NLRP5: variants seen among roughly 807,000 people sequenced by gnomAD.
NLRP5 encodes NACHT, LRR and PYD domains-containing protein 5.
NLRP5 carries 93 observed loss-of-function variants against 113.1 expected under a neutral mutation model. The ratio of observed to expected loss-of-function variants is 0.82; its 90% CI spans 0.70 to 0.98. The LOEUF (loss-of-function observed/expected upper bound fraction) is 0.98. Among genes scored for constraint, NLRP5 ranks in the 50% least tolerant of loss-of-function variants. The pLI is 0.00. For synonymous variants in NLRP5, 751 were observed against 600.7 expected, an observed-to-expected ratio of 1.25 and a Z score of -3.66; for missense variants, 1,808 against 1,514.3, an observed-to-expected ratio of 1.19 and a Z score of -3.22.
Position 56,058,859 on chromosome 19 carries a change from G to A in NLRP5, c.3470+449G>A, listed in dbSNP as rs1370042778. ...GATGAAAGGATAAGCAGAATGTGGT[G>A]TATACCAACAATGGAATTGTATTCA... is the stretch of plus-strand genomic sequence containing the variant. On this transcript the variant is annotated intron_variant, in intron 14 of 14. Coordinates refer to ENST00000390649, the MANE Select transcript of NLRP5 (RefSeq NM_153447.4). Among the ~76,000 whole-genome samples, 3 of 152,184 alleles carry A rather than the reference G, an allele frequency of 2.0e-5. No individual in the cohort carries two copies. In the East Asian group the frequency reaches 5.8e-4, roughly 29 times the overall value.
upstream of NLRP5, chr19:55,999,683 G>T (rs1265905758): frequency 6.9e-7 from 1 of 1,457,106 alleles, no homozygotes; most frequent in Non-Finnish European, 9.6e-7. Context: ...CCAGAGGAGA[G>T]CCCAGCCTTC....
intron 6 of NLRP5, among the ~76,000 whole-genome samples, chr19:56,022,144 C>G (rs934319802): frequency 2.0e-5 from 3 of 152,186 alleles, no homozygotes; most frequent in African/African-American, 7.2e-5. Flanking sequence ...AATAATTACT[C>G]TGGTCTAGGC....
At chr19:56,022,315 G>A (rs1266976647) in intron 6 of NLRP5, among the ~76,000 whole-genome samples, 1 of 152,120 alleles carries the variant, frequency 6.6e-6, no homozygotes, top group Non-Finnish European at 1.5e-5. Flanking sequence ...TAACTCCTGG[G>A]CTGAAGCAAT....
At chr19:56,014,173 T>C (rs1982317139) in intron 3 of NLRP5, among the ~76,000 whole-genome samples, 1 of 152,100 alleles carries the variant, frequency 6.6e-6, no homozygotes, top group South Asian at 2.1e-4. Context: ...CTTTTGGTGT[T>C]ATATCTTTAA....
At chr19:55,998,686 A>ATG (rs1374764391), upstream of NLRP5, among the ~76,000 whole-genome samples, 22 of 47,552 alleles carry the variant, frequency 4.6e-4, 1 homozygote, top group African/African-American at 1.6e-3. Context: ...ATATATATAT[A>ATG]TATATATATA....
At chr19:55,988,184 G>T in the NLRP5 span, 1 of 230,586 alleles carries the variant, frequency 4.3e-6, no homozygotes, top group Non-Finnish European at 8.5e-6. Context: ...CTGAGGTCAG[G>T]AGTTCCAGAC....
the NLRP5 span, among the ~76,000 whole-genome samples, chr19:55,992,725 G>T: frequency 6.6e-6 from 1 of 152,134 alleles, no homozygotes; most frequent in African/African-American, 2.4e-5. Context: ...AGAGCAAATG[G>T]CCCCAAAGCC....
intron 4 of NLRP5, among the ~76,000 whole-genome samples, chr19:56,017,063 T>C (rs1201168620): frequency 6.6e-6 from 1 of 152,200 alleles, no homozygotes; most frequent in East Asian, 1.9e-4. Context: ...CGCCTCGGCC[T>C]CCCAAAGTGC....
rs1362573692 is a variant in NLRP5 at position 56,026,949 on chromosome 19, T to G, written c.716T>G (p.Val239Gly). 6.4e-7 allele frequency: 1 copy of G among 1,551,612 alleles called. No individual in the cohort carries two copies. Reference sequence around the variant, plus strand: ...GACACATGGGACTACAAGAGTCACGTGATGACCAAATTCGCTGAGGAGGAG... The same window carrying G: ...GACACATGGGACTACAAGAGTCACGGGATGACCAAATTCGCTGAGGAGGAG... Residue 239 changes from valine (V) to glycine (G), a missense_variant, in exon 7 of 15, where the codon GTG becomes GGG. Transcript: ENST00000390649.
At chr19:56,001,925 A>T (rs1200953064) in intron 1 of NLRP5, among the ~76,000 whole-genome samples, 1 of 152,162 alleles carries the variant, frequency 6.6e-6, no homozygotes, top group Non-Finnish European at 1.5e-5. Context: ...ATTTGCTCAA[A>T]CTGGCCAACC....
At chr19:56,026,575 C>A (rs1243380107) in intron 6 of NLRP5, among the ~76,000 whole-genome samples, 2 of 146,866 alleles carry the variant, frequency 1.4e-5, no homozygotes, top group African/African-American at 5.0e-5. Context: ...TTTTGTTTCC[C>A]GATTTATTTT....
intron 11 of NLRP5, among the ~76,000 whole-genome samples, chr19:56,043,862 C>A (rs1198574691): frequency 6.6e-6 from 1 of 151,602 alleles, no homozygotes; most frequent in Non-Finnish European, 1.5e-5. Context: ...CAGGCGTGAG[C>A]CACCACGCCT....
At chr19:56,005,890 A>G (rs1283444970) in intron 2 of NLRP5, among the ~76,000 whole-genome samples, 1 of 152,186 alleles carries the variant, frequency 6.6e-6, no homozygotes, top group Non-Finnish European at 1.5e-5. Flanking sequence ...TGGGTTCCCT[A>G]TGGCTGAAGC....
chr19:56,002,069 A>G (rs1810903982), intron 1 of NLRP5, among the ~76,000 whole-genome samples: 1 of 152,222 alleles, frequency 6.6e-6, no homozygotes, highest in African/African-American at 2.4e-5. Context: ...GCTTCTAGAC[A>G]ACTCGGGGAG....
chr19:55,997,861 T>TCA (rs1981378577), upstream of NLRP5, among the ~76,000 whole-genome samples: 1 of 82,840 alleles, frequency 1.2e-5, no homozygotes, highest in African/African-American at 1.0e-4. Context: ...ACACTCTATC[T>TCA]CAAAAAAAAA....
At chr19:56,005,476 T>TACACAC (rs370942099) in intron 2 of NLRP5, among the ~76,000 whole-genome samples, 4,528 of 146,126 alleles carry the variant, frequency 0.031, 200 homozygotes, top group South Asian at 0.051. Flanking sequence ...CACATATTTA[T>TACACAC]ACACACACAC....
chr19:56,007,900 CGT>C lies in NLRP5; in HGVS notation c.443-886_443-885del, dbSNP rs1417229600. Among the ~76,000 whole-genome samples the C allele has an allele frequency of 4.5e-4, 36 of 79,462 alleles. 2 individuals carry two copies. Among genetic ancestry groups the C allele is most frequent in the Middle Eastern group, 4.8e-3 (1 of 208 alleles). The allele number at this position is 79,462 out of a possible 152,430, so 52.1% of individuals were successfully genotyped here. A position where few individuals can be genotyped will look rare whatever the true frequency, so the allele number is the denominator to read the frequency against. On this transcript the variant is annotated intron_variant, in intron 2 of 14. Coordinates refer to ENST00000390649, the MANE Select transcript of NLRP5 (RefSeq NM_153447.4). The stretch of plus-strand genomic sequence containing the variant: ...GTGTGTGTGTGTGTGCGCGTGCGCG[CGT>C]GCGTGTGTGTGTGTGTGTGTGTGTG...
intron 13 of NLRP5, among the ~76,000 whole-genome samples, chr19:56,055,235 G>A (rs1033499906): frequency 3.3e-5 from 5 of 151,566 alleles, no homozygotes; most frequent in South Asian, 4.2e-4. Flanking sequence ...CAAGTGATCC[G>A]CCGGCCTCAG....
chr19:55,998,714 G>GTGTGTGTATATATATATATATGTGTA (rs796632835), upstream of NLRP5, among the ~76,000 whole-genome samples: 2 of 76,022 alleles, frequency 2.6e-5, no homozygotes, highest in Non-Finnish European at 5.0e-5. Context: ...GTGTGTGTGT[G>GTGTGTGTATATATATATATATGTGTA]TATATATATA....
Sources: gnomAD v4.1 joint callset for allele counts (sites outside exome capture counted in the v4.1 genomes callset) on GRCh38, gnomAD v4.1.1 for gene constraint, MANE v1.5 for transcripts, NCBI Gene and HGNC (gene_info 2026-07-23, HGNC 2026-07-21) for gene names.